Variants in MTA3 observed in about 807,000 individuals in gnomAD.
The protein encoded by MTA3 is metastasis associated 1 family member 3.
A neutral mutation model predicts 83.5 loss-of-function variants in MTA3; 34 were observed. That is an observed-to-expected ratio of 0.41 (90% confidence interval 0.31 to 0.54). The LOEUF is 0.54. Ranked by LOEUF, MTA3 falls within the 20% of genes least tolerant of loss-of-function variation. The pLI is 0.33. For synonymous variants in MTA3, 303 were observed against 252.7 expected, an observed-to-expected ratio of 1.20 and a Z score of -1.89; for missense variants, 761 against 726.4, an observed-to-expected ratio of 1.05 and a Z score of -0.55.
At chr2:42,721,977 G>A (rs1244697629) in intron 15 of MTA3, among the ~76,000 whole-genome samples, 1 of 152,162 alleles carries the variant, frequency 6.6e-6, no homozygotes, top group African/African-American at 2.4e-5. Context: ...CAGAGCTGTA[G>A]TAATTCTAAC....
intron 16 of MTA3, among the ~76,000 whole-genome samples, chr2:42,742,790 G>C (rs563304686): frequency 6.6e-6 from 1 of 152,138 alleles, no homozygotes; most frequent in Admixed American, 6.5e-5. Flanking sequence ...ATAGTCCTGA[G>C]AACTGTACAT....
At chr2:42,752,178 A>G (rs1669922759) in intron 16 of MTA3, 2 of 471,082 alleles carry the variant, frequency 4.2e-6, no homozygotes, top group South Asian at 1.5e-5. Flanking sequence ...TTTAACACAT[A>G]CTTGCTGAGC....
At chr2:42,554,743 C>G (rs1677296722) in intron 2 of MTA3, among the ~76,000 whole-genome samples, 1 of 152,198 alleles carries the variant, frequency 6.6e-6, no homozygotes, top group Non-Finnish European at 1.5e-5. Flanking sequence ...CCCTCACAGC[C>G]TCTCTGAGAA....
At chr2:42,524,517 G>T (rs1675591196) in intron 2 of MTA3, among the ~76,000 whole-genome samples, 1 of 140,296 alleles carries the variant, frequency 7.1e-6, no homozygotes, top group Non-Finnish European at 1.5e-5. Context: ...GTAGAGATGG[G>T]GTTTCACCAT....
rs72986088 is a variant in MTA3, at chr2:42,501,545, C to G, written c.-141+6291C>G. Among the ~76,000 whole-genome samples the G allele has an allele frequency of 3.2e-3, 484 of 152,312 alleles. 5 individuals carry two copies. Among genetic ancestry groups the G allele is most frequent in the African/African-American group, 0.011 (453 of 41,566 alleles). ...TTCATTAAACTTAACATTTAGGTAA[C>G]ATTAAAGTTACCTAACTGAACTTGA... On this transcript the variant is annotated intron_variant, in intron 2 of 17. Coordinates refer to the MTA3 transcript ENST00000405592.
chr2:42,640,590 G>A (rs1189539705), intron 5 of MTA3, among the ~76,000 whole-genome samples: 1 of 152,076 alleles, frequency 6.6e-6, no homozygotes, highest in Non-Finnish European at 1.5e-5. Flanking sequence ...TGAATAAATG[G>A]TTTTTCTTTT....
intron 6 of MTA3, among the ~76,000 whole-genome samples, chr2:42,645,204 A>C: frequency 6.7e-6 from 1 of 149,320 alleles, no homozygotes; most frequent in Non-Finnish European, 1.5e-5. Context: ...AAAAAGCTAC[A>C]CCAGTGAACA....
chr2:42,665,218 C>T (rs1461496924), intron 8 of MTA3, among the ~76,000 whole-genome samples: 4 of 152,014 alleles, frequency 2.6e-5, no homozygotes, highest in African/African-American at 9.7e-5. Context: ...ATAGTGAAAC[C>T]CCATCTCTAC....
chr2:42,606,940 G>A (rs1215167563), intron 3 of MTA3, among the ~76,000 whole-genome samples: 6 of 149,906 alleles, frequency 4.0e-5, no homozygotes, highest in African/African-American at 1.5e-4. Flanking sequence ...GTGGCGGCGC[G>A]TGCCTGCAAT....
intron 16 of MTA3, among the ~76,000 whole-genome samples, chr2:42,723,553 T>G (rs1159030962): frequency 6.6e-6 from 1 of 152,198 alleles, no homozygotes; most frequent in African/African-American, 2.4e-5. Flanking sequence ...ATAATTTGCT[T>G]GAAATGGAAA....
intron 2 of MTA3, among the ~76,000 whole-genome samples, chr2:42,531,037 C>T (rs1675940306): frequency 6.6e-6 from 1 of 152,146 alleles, no homozygotes. Flanking sequence ...GCCATGTTGG[C>T]CAGGCTGGTC....
chr2:42,640,171 AG>A lies in MTA3; in HGVS notation c.320del. ...ATTTATTCTTTTTTTCTTTTTCAAC[AG>A]GGGAAAGTGCAGTGTTGCCCTTCTG... On this transcript the variant is annotated splice_acceptor_variant, in intron 4 of 16. Transcript: ENST00000405094. LOFTEE classifies it high-confidence loss of function. The A allele has an allele frequency of 6.2e-7, 1 of 1,601,190 alleles. No individual in the cohort carries two copies.
chr2:42,507,351 A>G (rs1331914448), intron 2 of MTA3, among the ~76,000 whole-genome samples: 1 of 151,772 alleles, frequency 6.6e-6, no homozygotes, highest in Non-Finnish European at 1.5e-5. Flanking sequence ...TCATTTTTTT[A>G]TATAGAGATG....
intron 3 of MTA3, among the ~76,000 whole-genome samples, chr2:42,586,539 AC>A (rs1680330845): frequency 1.4e-5 from 2 of 143,790 alleles, no homozygotes; most frequent in Non-Finnish European, 3.0e-5. Context: ...GGAAAAACAC[AC>A]ACACACAAGG....
intron 10 of MTA3, among the ~76,000 whole-genome samples, chr2:42,696,112 G>T (rs548362136): frequency 3.1e-3 from 473 of 152,202 alleles, no homozygotes; most frequent in Non-Finnish European, 5.4e-3. Flanking sequence ...TCATCTCTTT[G>T]TAGTTCATGG....
intron 4 of MTA3, among the ~76,000 whole-genome samples, chr2:42,638,544 T>A (rs1033641478): frequency 2.6e-5 from 4 of 151,998 alleles, no homozygotes; most frequent in African/African-American, 4.8e-5. Context: ...TTATTTTTTT[T>A]AATTTTCAGT....
At chr2:42,673,789 G>A (rs1329527336) in intron 8 of MTA3, among the ~76,000 whole-genome samples, 1 of 152,204 alleles carries the variant, frequency 6.6e-6, no homozygotes, top group African/African-American at 2.4e-5. Flanking sequence ...ATTGGATGCA[G>A]GTTGCTCCAG....
chr2:42,622,658 G>T (rs1481297998), intron 4 of MTA3, among the ~76,000 whole-genome samples: 2 of 151,260 alleles, frequency 1.3e-5, no homozygotes, highest in South Asian at 2.1e-4. Flanking sequence ...AAAAATTTTT[G>T]CCTATTTTTT....
chr2:42,622,610 G>T (rs555797584), intron 4 of MTA3, among the ~76,000 whole-genome samples: 1 of 151,902 alleles, frequency 6.6e-6, no homozygotes, highest in Non-Finnish European at 1.5e-5. Context: ...AGTTCTTTGA[G>T]TACCTCAATA....
Sources: allele counts gnomAD v4.1 joint callset (sites outside exome capture counted in the v4.1 genomes callset), GRCh38; gene constraint gnomAD v4.1.1; transcripts MANE v1.5; gene names NCBI Gene and HGNC (gene_info 2026-07-23, HGNC 2026-07-21).